The following HOMER1 variants were observed in gnomAD, a reference collection of about 807,000 sequenced individuals.
HOMER1 encodes homer scaffold protein 1.
A neutral mutation model predicts 48.9 loss-of-function variants in HOMER1; 3 were observed. The observed-to-expected ratio is 0.06, with a 90% CI of 0.03 to 0.16. The LOEUF (loss-of-function observed/expected upper bound fraction) is 0.16. Among genes scored for constraint, HOMER1 ranks in the 10% least tolerant of loss-of-function variants. HOMER1 has a pLI of 1.00. For synonymous variants in HOMER1, 134 were observed against 146.4 expected (o/e 0.92, Z 0.61); for missense variants, 247 against 411.4 (o/e 0.60, Z 3.46).
chr5:79,451,668 C>T (rs927052253), intron 2 of HOMER1, among the ~76,000 whole-genome samples: 8 of 150,218 alleles, frequency 5.3e-5, no homozygotes, highest in African/African-American at 1.7e-4. Flanking sequence ...CGGGTTCACG[C>T]CATTCTCCTG....
intron 5 of HOMER1, among the ~76,000 whole-genome samples, chr5:79,416,560 T>C (rs1303298322): frequency 2.0e-5 from 3 of 152,230 alleles, no homozygotes; most frequent in African/African-American, 7.2e-5. Context: ...CTTCTAGCAG[T>C]AAGAGCAACA....
At chr5:79,410,489 CAAAAAAA>C (rs59290866) in intron 5 of HOMER1, among the ~76,000 whole-genome samples, 32 of 105,158 alleles carry the variant, frequency 3.0e-4, no homozygotes, top group East Asian at 1.8e-3. Flanking sequence ...AACTCTATCT[CAAAAAAA>C]AAAAAAAAAA....
At chr5:79,442,462 A>T (rs1326349012) in intron 4 of HOMER1, among the ~76,000 whole-genome samples, 3 of 152,226 alleles carry the variant, frequency 2.0e-5, no homozygotes, top group African/African-American at 7.2e-5. Flanking sequence ...CCCTCACTCT[A>T]GGACAAGCCT....
chr5:79,502,230 G>A (rs1176576900), intron 1 of HOMER1, among the ~76,000 whole-genome samples: 5 of 152,004 alleles, frequency 3.3e-5, no homozygotes, highest in Non-Finnish European at 5.9e-5. Context: ...ATGTTGGCCA[G>A]GATGGTCTCG....
At chr5:79,407,225 A>C (rs545507704) in intron 5 of HOMER1, among the ~76,000 whole-genome samples, 2 of 152,142 alleles carry the variant, frequency 1.3e-5, no homozygotes, top group South Asian at 4.1e-4. Context: ...AGTCATACCC[A>C]TTTCTAGGAG....
intron 5 of HOMER1, among the ~76,000 whole-genome samples, chr5:79,409,420 A>G (rs1307760215): frequency 7.7e-6 from 1 of 130,442 alleles, no homozygotes; most frequent in African/African-American, 3.3e-5. Context: ...CGACAGGGCA[A>G]GACGTCTCAA....
chr5:79,481,903 A>C (rs1751956398), intron 1 of HOMER1, among the ~76,000 whole-genome samples: 1 of 152,206 alleles, frequency 6.6e-6, no homozygotes. Flanking sequence ...ACTGAGTCTC[A>C]GAACAAAGCT....
Position 79,447,905 on chromosome 5 carries a change from T to C in HOMER1, c.295-760A>G, listed in dbSNP as rs534820280. 2.0e-5 allele frequency among the ~76,000 whole-genome samples: 3 copies of C among 152,168 alleles called. No individual in the cohort carries two copies. The South Asian group carries it at 6.2e-4, about 32-fold the overall frequency. On this transcript the variant is annotated intron_variant, in intron 3 of 8. Coordinates refer to ENST00000334082, the MANE Select transcript of HOMER1 (RefSeq NM_004272.5). ...AAGTTAAGACTACATAATAACTACA[T>C]GTAAAAACCCCAAATCCCTATGCAA...
chr5:79,496,862 C>A (rs1752435944), intron 1 of HOMER1, among the ~76,000 whole-genome samples: 1 of 151,638 alleles, frequency 6.6e-6, no homozygotes, highest in Non-Finnish European at 1.5e-5. Context: ...GCCGAGAGTT[C>A]GAGACCAGCC....
chr5:79,456,723 C>T (rs1329142666), intron 2 of HOMER1, 139 bp downstream of exon 2: 11 of 701,496 alleles, frequency 1.6e-5, no homozygotes, highest in Non-Finnish European at 2.1e-5. Flanking sequence ...CCTTAATAAT[C>T]CATTTTGTTT....
At chr5:79,482,393 T>C (rs1306813144) in intron 1 of HOMER1, among the ~76,000 whole-genome samples, 1 of 152,072 alleles carries the variant, frequency 6.6e-6, no homozygotes, top group South Asian at 2.1e-4. Context: ...AACATTAAGA[T>C]AGTTATTAAA....
At chr5:79,460,962 A>G (rs984515301) in intron 1 of HOMER1, among the ~76,000 whole-genome samples, 6 of 152,154 alleles carry the variant, frequency 3.9e-5, no homozygotes, top group Admixed American at 6.5e-5. Context: ...AGATTGGGGA[A>G]GTGGAAGGGG....
At chr5:79,383,386 C>CTT (rs200444325) in intron 8 of HOMER1, among the ~76,000 whole-genome samples, 24 of 139,904 alleles carry the variant, frequency 1.7e-4, no homozygotes, top group Admixed American at 4.3e-4. Context: ...TACAGAACAT[C>CTT]TTTTTTTTTT....
At chr5:79,449,752 G>A (rs1434131498) in intron 3 of HOMER1, among the ~76,000 whole-genome samples, 1 of 152,140 alleles carries the variant, frequency 6.6e-6, no homozygotes, top group Non-Finnish European at 1.5e-5. Context: ...TGGGATTAAA[G>A]GCATGAGCCA....
chr5:79,439,089 C>A lies in HOMER1; in HGVS notation c.448G>T (p.Asp150Tyr). ...TGTGTCACATCAGGTGTTCTTTCATCATCTGTCCCGTTGATACTTTCCGGT... is the reference window on the plus strand; with the variant it reads ...TGTGTCACATCAGGTGTTCTTTCATAATCTGTCCCGTTGATACTTTCCGGT... ...LTPESINGTD[D>Y]ERTPDVTQNS... The change falls in exon 5 of 9, where the codon GAT becomes TAT. Residue 150 changes from aspartate to tyrosine, a missense_variant. Physicochemically the swap from Asp to Tyr is radical, Grantham distance 160 (BLOSUM62 -3). Around this residue, in one of 4 missense-constraint regions of HOMER1, gnomAD observed 94 missense variants for 112.4 expected, o/e 0.84. Coordinates refer to ENST00000334082, the MANE Select transcript of HOMER1 (RefSeq NM_004272.5). The A allele has an allele frequency of 1.2e-6, 2 of 1,613,938 alleles. No individual in the cohort carries two copies. Among genetic ancestry groups the A allele is most frequent in the Non-Finnish European group, 8.5e-7 (1 of 1,179,870 alleles).
intron 8 of HOMER1, among the ~76,000 whole-genome samples, chr5:79,383,184 T>C (rs1046397235): frequency 2.0e-5 from 3 of 152,066 alleles, no homozygotes. Context: ...ATATATACGT[T>C]CCCAACACTG....
chr5:79,474,650 C>A (rs1392696457), intron 1 of HOMER1, among the ~76,000 whole-genome samples: 1 of 152,172 alleles, frequency 6.6e-6, no homozygotes, highest in Non-Finnish European at 1.5e-5. Context: ...TTTCTACTCT[C>A]ATAATGATCT....
intron 8 of HOMER1, among the ~76,000 whole-genome samples, chr5:79,390,157 A>G (rs1002909802): frequency 5.9e-5 from 9 of 151,996 alleles, no homozygotes; most frequent in African/African-American, 2.4e-5. Flanking sequence ...TTGGTGGCAC[A>G]CACATGTAGT....
At chr5:79,476,300 A>G (rs1037502662) in intron 1 of HOMER1, among the ~76,000 whole-genome samples, 4 of 152,200 alleles carry the variant, frequency 2.6e-5, no homozygotes, top group African/African-American at 2.4e-5. Context: ...AATGAACACA[A>G]ACAGAAGACT....
Sources: gnomAD v4.1 joint callset for allele counts (sites outside exome capture counted in the v4.1 genomes callset) on GRCh38, gnomAD v4.1.1 for gene constraint, gnomAD v4.1.1 regional missense constraint, MANE v1.5 for transcripts, NCBI Gene and HGNC (gene_info 2026-07-23, HGNC 2026-07-21) for gene names.